GFRA2: variants seen among roughly 807,000 people sequenced by gnomAD.
The protein encoded by GFRA2 is GDNF family receptor alpha 2.
In GFRA2, 17 loss-of-function variants were observed where a neutral mutation model predicts 48.3. The ratio of observed to expected loss-of-function variants is 0.35; its 90% CI spans 0.24 to 0.53. GFRA2 has a LOEUF of 0.53. Ranked by LOEUF, GFRA2 falls within the 20% of genes least tolerant of loss-of-function variation. GFRA2 has a pLI of 0.93. For synonymous variants in GFRA2, 305 were observed against 257.2 expected, an observed-to-expected ratio of 1.19 and a Z score of -1.78; for missense variants, 660 against 637.3, an observed-to-expected ratio of 1.04 and a Z score of -0.38.
At chr8:21,795,536 G>A (rs900503129) in intron 2 of GFRA2, among the ~76,000 whole-genome samples, 1 of 152,132 alleles carries the variant, frequency 6.6e-6, no homozygotes, top group Non-Finnish European at 1.5e-5. Flanking sequence ...GGAATTACAG[G>A]CGTGTGCTGC....
rs1321818426 is a variant in GFRA2 at position 21,788,874 on chromosome 8, T to TC, written c.-716dup. On this transcript the variant is annotated 5_prime_UTR_variant, in exon 1 of 9. Transcript: ENST00000524240. Reference sequence around the variant, plus strand: ...TCTTTGCTCTCGCTCTCTCCAGCTCTCCCTCGCTCTCCTCTCTCCCTCCCC... The same window carrying TC: ...TCTTTGCTCTCGCTCTCTCCAGCTCTCCCCTCGCTCTCCTCTCTCCCTCCCC... 2.1e-5 allele frequency: 17 copies of TC among 811,166 alleles called. No homozygotes were observed. Among genetic ancestry groups the TC allele is most frequent in the Non-Finnish European group, 2.5e-5 (17 of 671,260 alleles). The allele number at this position is 811,166 out of a possible 1,614,324, so 50.2% of individuals were successfully genotyped here.
At chr8:21,737,572 A>G (rs944022302) in intron 4 of GFRA2, among the ~76,000 whole-genome samples, 3 of 151,968 alleles carry the variant, frequency 2.0e-5, no homozygotes, top group African/African-American at 7.3e-5. Flanking sequence ...CAAAGCTCCA[A>G]CCTTACGCGC....
At chr8:21,799,241 G>A (rs1348533717) in intron 2 of GFRA2, among the ~76,000 whole-genome samples, 12 of 147,938 alleles carry the variant, frequency 8.1e-5, no homozygotes, top group Non-Finnish European at 1.5e-4. Flanking sequence ...TTTTTGAGAC[G>A]GAGTCTTGCT....
intron 2 of GFRA2, among the ~76,000 whole-genome samples, chr8:21,794,621 A>C (rs1807636250): frequency 1.3e-5 from 2 of 152,174 alleles, no homozygotes; most frequent in South Asian, 4.1e-4. Context: ...TAAGCTTTGG[A>C]GTTCAAGTCT....
At chr8:21,765,971 C>A (rs1039509684) in intron 3 of GFRA2, among the ~76,000 whole-genome samples, 2 of 152,306 alleles carry the variant, frequency 1.3e-5, no homozygotes, top group South Asian at 4.1e-4. Context: ...CTCCCTGGCT[C>A]CACTCTGCTC....
chr8:21,694,053 A>ATT (rs1174823382), intron 8 of GFRA2, among the ~76,000 whole-genome samples: 1 of 125,520 alleles, frequency 8.0e-6, no homozygotes, highest in Non-Finnish European at 1.6e-5. Flanking sequence ...ATATATATAT[A>ATT]TTTATATATA....
At chr8:21,742,283 G>A (rs989059596) in intron 4 of GFRA2, among the ~76,000 whole-genome samples, 1 of 152,134 alleles carries the variant, frequency 6.6e-6, no homozygotes, top group Admixed American at 6.5e-5. Flanking sequence ...CCCTCATGAC[G>A]GGATTAGTGG....
intron 4 of GFRA2, among the ~76,000 whole-genome samples, chr8:21,742,917 C>G (rs921409133): frequency 1.3e-5 from 2 of 152,186 alleles, no homozygotes; most frequent in African/African-American, 4.8e-5. Context: ...AAGGTGAAGG[C>G]TCTGTGCAGC....
chr8:21,719,810 G>T (rs1475929447), intron 4 of GFRA2, among the ~76,000 whole-genome samples: 1 of 150,324 alleles, frequency 6.7e-6, no homozygotes, highest in Non-Finnish European at 1.5e-5. Context: ...GAAAGCACCA[G>T]GTTTACTCCC....
chr8:21,750,619 G>C lies in GFRA2; in HGVS notation c.763C>G (p.Arg255Gly). ...DKEKPNCLDLRGVCRTDHLCR... is the reference protein window; with the variant it reads ...DKEKPNCLDLGGVCRTDHLCR... ...AGGTGGTCAGTCCGGCACACGCCACGCAGGTCCAGGCAGTTGGGCTTCTCC... is the reference window on the plus strand; with the variant it reads ...AGGTGGTCAGTCCGGCACACGCCACCCAGGTCCAGGCAGTTGGGCTTCTCC... The change falls in exon 4 of 9, where the codon CGT becomes GGT. Residue 255 changes from arginine (R) to glycine (G), a missense_variant. Transcript: ENST00000524240. This position sits in a 1 kb window ranked among gnomAD's most constrained non-coding sequence, Gnocchi z 5.7. 6.2e-7 allele frequency: 1 copy of C among 1,611,864 alleles called. No homozygotes were observed. The highest frequency in any genetic ancestry group is 1.1e-5 in the South Asian group (1 of 90,874).
intron 3 of GFRA2, among the ~76,000 whole-genome samples, chr8:21,768,008 C>A (rs1441285458): frequency 3.9e-5 from 6 of 152,206 alleles, no homozygotes; most frequent in Non-Finnish European, 8.8e-5. Flanking sequence ...AAATGTCGAT[C>A]CCTCCAGCTC....
chr8:21,692,992 G>C lies in GFRA2; in HGVS notation c.*286C>G, dbSNP rs1158039228. 4.0e-6 allele frequency: 1 copy of C among 247,918 alleles called. No individual in the cohort carries two copies. The allele number at this position is 247,918 out of a possible 1,614,324, so 15.4% of individuals were successfully genotyped here. On this transcript the variant is annotated 3_prime_UTR_variant, in exon 9 of 9. Coordinates refer to ENST00000524240, the MANE Select transcript of GFRA2 (RefSeq NM_001495.5). ...GAAGGGTCCAGAGAGAAAAACACCA[G>C]GAGAAAGTGAAGGGCATTTCTAGAG...
intron 2 of GFRA2, among the ~76,000 whole-genome samples, chr8:21,801,100 T>C (rs1807762226): frequency 6.6e-6 from 1 of 152,044 alleles, no homozygotes; most frequent in Non-Finnish European, 1.5e-5. Flanking sequence ...AACAAATCCC[T>C]GCTGCAGAAG....
At chr8:21,756,571 A>T (rs1805581019) in intron 3 of GFRA2, among the ~76,000 whole-genome samples, 1 of 152,176 alleles carries the variant, frequency 6.6e-6, no homozygotes, top group African/African-American at 2.4e-5. Flanking sequence ...CTTCTGAGAC[A>T]GCCACTGCCC....
chr8:21,733,340 C>G (rs1261363285), intron 4 of GFRA2, among the ~76,000 whole-genome samples: 1 of 152,182 alleles, frequency 6.6e-6, no homozygotes, highest in Non-Finnish European at 1.5e-5. Flanking sequence ...AGGCCCTGGC[C>G]TGCCGGAAGC....
At chr8:21,808,398 G>T (rs1807910943) in intron 1 of GFRA2, among the ~76,000 whole-genome samples, 1 of 152,174 alleles carries the variant, frequency 6.6e-6, no homozygotes, top group African/African-American at 2.4e-5. Context: ...TATCCTTCCA[G>T]CATTGCTATG....
chr8:21,787,640 G>A (rs1807347759), intron 1 of GFRA2, among the ~76,000 whole-genome samples: 1 of 152,194 alleles, frequency 6.6e-6, no homozygotes, highest in Non-Finnish European at 1.5e-5. Context: ...GGGAGCCGCC[G>A]GAGAAACCCG....
intron 3 of GFRA2, among the ~76,000 whole-genome samples, chr8:21,769,416 C>T (rs992930297): frequency 7.2e-5 from 11 of 152,210 alleles, no homozygotes; most frequent in Non-Finnish European, 1.5e-4. Context: ...AGTCAGCGAA[C>T]GGTGATACCC....
intron 4 of GFRA2, among the ~76,000 whole-genome samples, chr8:21,722,541 G>A (rs924207447): frequency 1.3e-5 from 2 of 152,192 alleles, no homozygotes; most frequent in East Asian, 1.9e-4. Flanking sequence ...CTTAAGGTCA[G>A]GTGCACAGAA....
Sources: allele counts gnomAD v4.1 joint callset (sites outside exome capture counted in the v4.1 genomes callset), GRCh38; gene constraint gnomAD v4.1.1; non-coding constraint Gnocchi (gnomAD v3.1); transcripts MANE v1.5; gene names NCBI Gene and HGNC (gene_info 2026-07-23, HGNC 2026-07-21).